RALYL: variants seen among roughly 807,000 people sequenced by gnomAD.
RALYL encodes the protein RALY RNA binding protein like.
RALYL carries 29 observed loss-of-function variants against 35.1 expected under a neutral mutation model. The observed-to-expected ratio is 0.83, with a 90% CI of 0.61 to 1.13. RALYL has a LOEUF of 1.13. Ranked by LOEUF, RALYL falls within the 50% of genes most tolerant of loss-of-function variation. The pLI, the probability that RALYL is intolerant of heterozygous loss-of-function variation, is 0.00. For synonymous variants in RALYL, 120 were observed against 127.6 expected (o/e 0.94, Z 0.40); for missense variants, 359 against 360.4 (o/e 1.00, Z 0.03).
chr8:84,687,023 C>T (rs1447555746), intron 2 of RALYL, among the ~76,000 whole-genome samples: 1 of 152,038 alleles, frequency 6.6e-6, no homozygotes, highest in African/African-American at 2.4e-5. Context: ...TTTGAAATAA[C>T]AAAAATGGCA....
intron 1 of RALYL, among the ~76,000 whole-genome samples, chr8:84,243,501 C>CTT (rs34469585): frequency 0.12 from 11,409 of 97,332 alleles, 1,207 homozygotes; most frequent in African/African-American, 0.17. Context: ...CTCTCTCACA[C>CTT]TTTTTTTTTT....
In RALYL at chr8:84,227,166, T is replaced by C. The variant is rs1488904491; in HGVS notation, c.-24+42742T>C. Among the ~76,000 whole-genome samples the C allele has an allele frequency of 2.8e-5, 4 of 144,388 alleles. No homozygotes were observed. In the East Asian group the frequency reaches 8.5e-4, roughly 31 times the overall value. The allele number at this position is 144,388 out of a possible 152,430, so 94.7% of individuals were successfully genotyped here. The stretch of plus-strand genomic sequence containing the variant: ...ACCTCCATCTCCCGGGTTCAAACGA[T>C]TTTCCTGCCTCAGCCTCCTGAGTAG... On this transcript the variant is annotated intron_variant, in intron 1 of 8. Transcript: ENST00000521268.
At chr8:84,401,376 A>C (rs367892584) in intron 1 of RALYL, among the ~76,000 whole-genome samples, 1 of 151,954 alleles carries the variant, frequency 6.6e-6, no homozygotes, top group Non-Finnish European at 1.5e-5. Context: ...GATGGCTCAC[A>C]CCTGTAATCC....
intron 1 of RALYL, among the ~76,000 whole-genome samples, chr8:84,413,563 T>A (rs2044313205): frequency 6.6e-6 from 1 of 152,056 alleles, no homozygotes; most frequent in South Asian, 2.1e-4. Context: ...AAAAATTATC[T>A]CACTTTGCCT....
intron 2 of RALYL, among the ~76,000 whole-genome samples, chr8:84,667,247 C>T (rs1832269241): frequency 6.6e-6 from 1 of 151,772 alleles, no homozygotes; most frequent in Admixed American, 6.6e-5. Context: ...TGTTCATATT[C>T]AGGTTCGAGT....
At chr8:84,232,166 A>C (rs1825528425) in intron 1 of RALYL, among the ~76,000 whole-genome samples, 1 of 152,146 alleles carries the variant, frequency 6.6e-6, no homozygotes, top group African/African-American at 2.4e-5. Context: ...CCAACCCAAA[A>C]TTTGGCTGAC....
At chr8:84,257,678 AG>A (rs564203419) in intron 1 of RALYL, among the ~76,000 whole-genome samples, 95 of 152,236 alleles carry the variant, frequency 6.2e-4, no homozygotes, top group African/African-American at 2.1e-3. Flanking sequence ...CTAGAGCGTT[AG>A]GCAACAGACA....
At chr8:84,593,695 A>T (rs1193559205) in intron 2 of RALYL, among the ~76,000 whole-genome samples, 1 of 152,064 alleles carries the variant, frequency 6.6e-6, no homozygotes, top group Non-Finnish European at 1.5e-5. Context: ...TGTGTCTTTT[A>T]TCTCCAAGTT....
At position 84,463,433 on chromosome 8, in the gene RALYL, T is replaced by C. The variant is rs114349011; in HGVS notation, c.-23-65866T>C. Among the ~76,000 whole-genome samples, 384 of 152,158 alleles carry C rather than the reference T, an allele frequency of 2.5e-3. 1 individual carries two copies. The highest frequency in any genetic ancestry group is 8.6e-3 in the African/African-American group (358 of 41,558). ...TTCAATATTTTTCAAGTGTGGAAAA[T>C]CTCAATATGAGGTGCCTTGAGGGAA... On this transcript the variant is annotated intron_variant, in intron 1 of 8. Transcript: ENST00000521268.
At chr8:84,421,967 T>C (rs2132415900) in intron 1 of RALYL, among the ~76,000 whole-genome samples, 1 of 152,218 alleles carries the variant, frequency 6.6e-6, no homozygotes, top group Admixed American at 6.5e-5. Flanking sequence ...TTATTGAGGA[T>C]TTTTGCATCA....
At chr8:84,415,104 A>G (rs189789719) in intron 1 of RALYL, among the ~76,000 whole-genome samples, 50 of 151,620 alleles carry the variant, frequency 3.3e-4, no homozygotes, top group Non-Finnish European at 1.2e-4. Flanking sequence ...TTACTAGTAG[A>G]ATTGAAATTA....
chr8:84,593,450 A>G (rs1813768117), intron 2 of RALYL, among the ~76,000 whole-genome samples: 2 of 152,078 alleles, frequency 1.3e-5, no homozygotes, highest in South Asian at 4.1e-4. Flanking sequence ...AGAATTTTCA[A>G]AAAGATCTCT....
chr8:84,818,035 T>TA (rs1827754367), intron 4 of RALYL, among the ~76,000 whole-genome samples: 2 of 152,184 alleles, frequency 1.3e-5, no homozygotes, highest in Admixed American at 1.3e-4. Context: ...CTGAATATTT[T>TA]AGAAGTGTTA....
At chr8:84,506,046 A>T (rs574175848) in intron 1 of RALYL, among the ~76,000 whole-genome samples, 125 of 152,196 alleles carry the variant, frequency 8.2e-4, no homozygotes, top group Middle Eastern at 3.4e-3. Flanking sequence ...CCTAACACCG[A>T]TTAAATTGAT....
rs191500882 is a variant in RALYL, at chr8:84,260,260, G to A, written c.-24+75836G>A. Among the ~76,000 whole-genome samples, 9 of 152,242 alleles carry A rather than the reference G, an allele frequency of 5.9e-5. No individual in the cohort carries two copies. The East Asian group carries it at 7.8e-4, about 13-fold the overall frequency. On this transcript the variant is annotated intron_variant, in intron 1 of 8. Coordinates refer to ENST00000521268, the MANE Select transcript of RALYL (RefSeq NM_173848.7). The stretch of plus-strand genomic sequence containing the variant: ...AAATAAAAGTTGGAAGAAAAAAATA[G>A]AAACTGCCTTAAAATTTAGTGGCTT...
At chr8:84,831,037 A>T (rs990963525) in intron 4 of RALYL, among the ~76,000 whole-genome samples, 23 of 152,156 alleles carry the variant, frequency 1.5e-4, no homozygotes, top group Non-Finnish European at 4.4e-5. Flanking sequence ...AGAAAAATAG[A>T]GGAAAAGTAA....
intron 2 of RALYL, among the ~76,000 whole-genome samples, chr8:84,619,733 G>C (rs957131228): frequency 1.3e-5 from 2 of 151,492 alleles, no homozygotes; most frequent in Admixed American, 6.6e-5. Context: ...AGCTGGTGCC[G>C]GTTGTTCCTT....
At chr8:84,901,515 G>T (rs1166372034) in intron 8 of RALYL, among the ~76,000 whole-genome samples, 1 of 152,062 alleles carries the variant, frequency 6.6e-6, no homozygotes, top group Admixed American at 6.6e-5. Context: ...GGCGGGAGAG[G>T]GACTACTGCA....
chr8:84,230,081 CA>C (rs1824954820), intron 1 of RALYL, among the ~76,000 whole-genome samples: 1 of 151,980 alleles, frequency 6.6e-6, no homozygotes, highest in African/African-American at 2.4e-5. Flanking sequence ...CTCAAATAAA[CA>C]AAGCTTAATC....
Sources: gnomAD v4.1 joint callset for allele counts (sites outside exome capture counted in the v4.1 genomes callset) on GRCh38, gnomAD v4.1.1 for gene constraint, MANE v1.5 for transcripts, NCBI Gene and HGNC (gene_info 2026-07-23, HGNC 2026-07-21) for gene names.